Variants in KCNQ5 observed in about 807,000 individuals in gnomAD.
KCNQ5 encodes potassium voltage-gated channel subfamily Q member 5.
A neutral mutation model predicts 98.2 loss-of-function variants in KCNQ5; 30 were observed. That is an observed-to-expected ratio of 0.31 (90% confidence interval 0.23 to 0.41). KCNQ5 has a LOEUF of 0.41. Among genes scored for constraint, KCNQ5 ranks in the 10% least tolerant of loss-of-function variants. KCNQ5 has a pLI of 1.00. For missense variants in KCNQ5, 835 were observed against 1,182.5 expected (o/e 0.71, Z 4.31); for synonymous variants, 458 against 449.4 (o/e 1.02, Z -0.24).
intron 1 of KCNQ5, among the ~76,000 whole-genome samples, chr6:73,002,102 C>G (rs1181747992): frequency 6.6e-6 from 1 of 152,082 alleles, no homozygotes; most frequent in African/African-American, 2.4e-5. Context: ...TGCACTCTAG[C>G]CTGGTCAACA....
At chr6:72,724,104 G>A (rs1770132642) in intron 1 of KCNQ5, among the ~76,000 whole-genome samples, 1 of 151,708 alleles carries the variant, frequency 6.6e-6, no homozygotes, top group African/African-American at 2.4e-5. Context: ...TTTCTCTGTG[G>A]TTTGTTCCCT....
intron 1 of KCNQ5, among the ~76,000 whole-genome samples, chr6:72,731,463 A>C (rs897035441): frequency 2.6e-5 from 4 of 152,246 alleles, no homozygotes; most frequent in African/African-American, 9.6e-5. Flanking sequence ...TTATGGGTAT[A>C]GGCATTCCAA....
chr6:72,938,304 G>A (rs942062266), intron 1 of KCNQ5, among the ~76,000 whole-genome samples: 6 of 152,160 alleles, frequency 3.9e-5, no homozygotes, highest in Non-Finnish European at 7.3e-5. Context: ...TATTTGGAGT[G>A]ATAGAAATGA....
intron 1 of KCNQ5, among the ~76,000 whole-genome samples, chr6:72,948,971 C>CT (rs1462613844): frequency 6.6e-6 from 1 of 152,056 alleles, no homozygotes; most frequent in African/African-American, 2.4e-5. Context: ...TTTTTTCACT[C>CT]TTTTTTGGTT....
chr6:73,170,688 C>G (rs1001015346), intron 11 of KCNQ5, among the ~76,000 whole-genome samples: 2 of 152,020 alleles, frequency 1.3e-5, no homozygotes, highest in African/African-American at 4.8e-5. Context: ...AATCCCAGCA[C>G]TTTCGGAGGC....
intron 2 of KCNQ5, among the ~76,000 whole-genome samples, chr6:73,031,096 A>T (rs1249687094): frequency 3.3e-5 from 5 of 152,212 alleles, no homozygotes; most frequent in Non-Finnish European, 2.9e-5. Flanking sequence ...AAAGGGATAA[A>T]CTGTCTCTCA....
chr6:72,801,663 G>A (rs1190151480), intron 1 of KCNQ5, among the ~76,000 whole-genome samples: 1 of 142,384 alleles, frequency 7.0e-6, no homozygotes, highest in Non-Finnish European at 1.5e-5. Flanking sequence ...ATTTGATCCT[G>A]TCATTATGAC....
chr6:72,937,716 A>G (rs1234608168), intron 1 of KCNQ5, among the ~76,000 whole-genome samples: 1 of 151,986 alleles, frequency 6.6e-6, no homozygotes, highest in East Asian at 1.9e-4. Context: ...AATGTGTGTT[A>G]CTCTTTTAAG....
intron 1 of KCNQ5, among the ~76,000 whole-genome samples, chr6:72,880,842 T>C (rs1243374839): frequency 6.6e-6 from 1 of 152,226 alleles, no homozygotes; most frequent in Non-Finnish European, 1.5e-5. Flanking sequence ...TCTACCGTGC[T>C]AAAACTCAGT....
intron 1 of KCNQ5, among the ~76,000 whole-genome samples, chr6:72,909,465 A>G (rs1455673472): frequency 6.6e-6 from 1 of 152,196 alleles, no homozygotes; most frequent in Non-Finnish European, 1.5e-5. Flanking sequence ...GAGAATAATG[A>G]TCTTTGACCA....
intron 1 of KCNQ5, among the ~76,000 whole-genome samples, chr6:72,941,560 C>CTCCTTCCCTCGCTCCCT (rs1766289921): frequency 7.4e-5 from 6 of 80,908 alleles, no homozygotes; most frequent in African/African-American, 2.1e-4. Context: ...TCTTCCCTCC[C>CTCCTTCCCTCGCTCCCT]TCCTTCCTTC....
At chr6:72,844,670 G>A (rs1455998777) in intron 1 of KCNQ5, among the ~76,000 whole-genome samples, 2 of 151,998 alleles carry the variant, frequency 1.3e-5, no homozygotes, top group Non-Finnish European at 2.9e-5. Context: ...AAAATAAAAG[G>A]CCTCCATAAA....
At chr6:72,721,002 T>C (rs1769926490) in intron 1 of KCNQ5, among the ~76,000 whole-genome samples, 1 of 152,198 alleles carries the variant, frequency 6.6e-6, no homozygotes, top group Non-Finnish European at 1.5e-5. Flanking sequence ...CAAAAATGTA[T>C]GAATTTAGAA....
rs1001859740 is a variant in KCNQ5 at position 73,077,852 on chromosome 6, T to A, written c.883T>A (p.Phe295Ile). 1 of 1,612,464 alleles carries A rather than the reference T, an allele frequency of 6.2e-7. No homozygotes were observed. The highest frequency in any genetic ancestry group is 8.5e-7 in the Non-Finnish European group (1 of 1,179,118). The change falls in exon 5 of 14, where the codon TTT becomes ATT. Residue 295 changes from phenylalanine (F) to isoleucine (I), a missense_variant. By Grantham distance (21) the Phe-to-Ile change is conservative (BLOSUM62 0). Coordinates refer to ENST00000370398, the MANE Select transcript of KCNQ5 (RefSeq NM_019842.4). ...YLVEKDANKE[F>I]STYADALWWG... ...GGTGGAAAAGGATGCCAATAAAGAGTTTTCTACATATGCAGATGCTCTCTG... is the reference window on the plus strand; with the variant it reads ...GGTGGAAAAGGATGCCAATAAAGAGATTTCTACATATGCAGATGCTCTCTG...
At chr6:72,725,759 T>C (rs1424523966) in intron 1 of KCNQ5, among the ~76,000 whole-genome samples, 1 of 152,222 alleles carries the variant, frequency 6.6e-6, no homozygotes, top group Non-Finnish European at 1.5e-5. Flanking sequence ...CGTAAAAATA[T>C]ATCAAAACTT....
chr6:72,640,872 A>G (rs1293495936), intron 1 of KCNQ5: 2 of 152,086 alleles, frequency 1.3e-5, no homozygotes, highest in African/African-American at 2.4e-5. Flanking sequence ...TCCTCTACCA[A>G]AGGTACTCTA....
intron 1 of KCNQ5, among the ~76,000 whole-genome samples, chr6:72,825,929 G>A (rs1775973717): frequency 6.6e-6 from 1 of 152,066 alleles, no homozygotes; most frequent in South Asian, 2.1e-4. Flanking sequence ...AGGATATTTG[G>A]GATCTAGAAG....
At chr6:72,648,199 CGTT>C (rs1288027274) in intron 1 of KCNQ5, among the ~76,000 whole-genome samples, 1 of 152,118 alleles carries the variant, frequency 6.6e-6, no homozygotes. Flanking sequence ...GAGCCTTTGA[CGTT>C]GGAAGAACAG....
intron 8 of KCNQ5, 88 bp downstream of exon 8, chr6:73,120,665 T>C: frequency 2.6e-6 from 2 of 783,730 alleles, no homozygotes; most frequent in Non-Finnish European, 4.0e-6. Context: ...AAAAAGGTGT[T>C]AATGTTTGGC....
Sources: allele counts gnomAD v4.1 joint callset (sites outside exome capture counted in the v4.1 genomes callset), GRCh38; gene constraint gnomAD v4.1.1; transcripts MANE v1.5; gene names NCBI Gene and HGNC (gene_info 2026-07-23, HGNC 2026-07-21).